ABCA13: variants seen among roughly 807,000 people sequenced by gnomAD.
ABCA13 encodes the protein ATP-binding cassette sub-family A member 13.
Under a neutral mutation model 478.7 loss-of-function variants are expected in ABCA13, and 476 were observed. The ratio of observed to expected loss-of-function variants is 0.99; its 90% confidence interval spans 0.92 to 1.07. The LOEUF is 1.07. Among genes scored for constraint, ABCA13 ranks in the 50% least tolerant of loss-of-function variants. The probability of loss-of-function intolerance (pLI) is 0.00; values close to 1 mark genes in which losing one functional copy is unlikely to be tolerated. For missense variants in ABCA13, 6,060 were observed against 5,910.6 expected (o/e 1.03, Z -0.83); for synonymous variants, 2,252 against 2,158.9 (o/e 1.04, Z -1.20).
At chr7:48,294,540 G>A (rs550994357) in intron 20 of ABCA13, among the ~76,000 whole-genome samples, 81 of 149,566 alleles carry the variant, frequency 5.4e-4, no homozygotes, top group African/African-American at 1.8e-3. Flanking sequence ...TCCGCTTCCC[G>A]GGTTCACGCC....
intron 60 of ABCA13, 24 bp from the exon 61 acceptor site, chr7:48,644,593 T>A (rs766813567): frequency 2.5e-5 from 15 of 609,704 alleles, no homozygotes; most frequent in Non-Finnish European, 3.5e-5. Flanking sequence ...ATGATACTTT[T>A]TTTTTTTTTT....
intron 48 of ABCA13, among the ~76,000 whole-genome samples, chr7:48,492,195 C>A (rs947963752): frequency 6.6e-6 from 1 of 152,140 alleles, no homozygotes; most frequent in Non-Finnish European, 1.5e-5. Context: ...TCGCTTATGG[C>A]CCCTCACTTT....
In ABCA13 at chr7:48,387,813, A is replaced by T. The variant is rs779026774; in HGVS notation, c.11336-9A>T. 1.3e-6 allele frequency: 2 copies of T among 1,547,608 alleles called. No homozygotes were observed. The highest frequency in any genetic ancestry group is 1.7e-6 in the Non-Finnish European group (2 of 1,150,140). ...AAATTAAACTAATTTTAATTGTTTC[A>T]TTTTTTAGGAACATTTGGTTTACGG... is the stretch of plus-strand genomic sequence containing the variant. On this transcript the variant is annotated splice_polypyrimidine_tract_variant and intron_variant, in intron 35 of 61. Transcript: ENST00000435803.
At chr7:48,204,891 TGAA>T in intron 3 of ABCA13, among the ~76,000 whole-genome samples, 1 of 151,696 alleles carries the variant, frequency 6.6e-6, no homozygotes, top group African/African-American at 2.4e-5. Context: ...GAGGGGTGAG[TGAA>T]GAAAGAAAAA....
chr7:48,290,456 T>C (rs1407981025), intron 20 of ABCA13, among the ~76,000 whole-genome samples: 1 of 152,164 alleles, frequency 6.6e-6, no homozygotes, highest in Non-Finnish European at 1.5e-5. Context: ...TGAATTTCAA[T>C]CTCAACTTTG....
At chr7:48,365,449 GT>G (rs1200744228) in intron 31 of ABCA13, among the ~76,000 whole-genome samples, 2 of 152,068 alleles carry the variant, frequency 1.3e-5, no homozygotes, top group Non-Finnish European at 2.9e-5. Flanking sequence ...TTTTGCTTTT[GT>G]TGTCTGTGCT....
chr7:48,315,119 C>G (rs988863627), intron 26 of ABCA13, among the ~76,000 whole-genome samples: 1 of 152,126 alleles, frequency 6.6e-6, no homozygotes, highest in African/African-American at 2.4e-5. Context: ...TCATTTATAA[C>G]GTAGAAACAG....
At position 48,257,848 on chromosome 7, in the gene ABCA13, T is replaced by C. The variant is rs540582317; in HGVS notation, c.2005+8497T>C. ...ATGAGTTAGGGAGGGGTCCCTCCTC[T>C]GCAATTTTTTGGATTAGTTTCAGTA... On this transcript the variant is annotated intron_variant, in intron 15 of 61. Coordinates refer to ENST00000435803, the MANE Select transcript of ABCA13 (RefSeq NM_152701.5). 2.0e-5 allele frequency among the ~76,000 whole-genome samples: 3 copies of C among 152,332 alleles called. 1 individual carries two copies. In the South Asian group the frequency reaches 6.2e-4, roughly 32 times the overall value.
chr7:48,295,696 C>G lies in ABCA13; in HGVS notation c.8956-4C>G. The G allele has an allele frequency of 1.9e-6, 3 of 1,613,928 alleles. No homozygotes were observed. The highest frequency in any genetic ancestry group is 2.5e-6 in the Non-Finnish European group (3 of 1,179,862). On this transcript the variant is annotated splice_polypyrimidine_tract_variant and splice_region_variant and intron_variant, in intron 20 of 61. Coordinates refer to ENST00000435803, the MANE Select transcript of ABCA13 (RefSeq NM_152701.5). ...CTAACCTATATCATTGCTATGTTTTCTAGGAAATTGAAAAGATATGGTCCT... is the reference window on the plus strand; with the variant it reads ...CTAACCTATATCATTGCTATGTTTTGTAGGAAATTGAAAAGATATGGTCCT...
chr7:48,587,262 G>A lies in ABCA13; in HGVS notation c.14614G>A (p.Val4872Met). ...GAAACTCTCTACAGCCCTGGCCCTG[G>A]TGGGGAAACCTGACATTCTTTTATT... The part of the protein sequence containing the change: ...KRKLSTALAL[V>M]GKPDILLLDE... The change falls in exon 57 of 62, where the codon GTG becomes ATG. Residue 4872 changes from valine to methionine, a missense_variant. Physicochemically the swap from Val to Met is conservative, Grantham distance 21. Around this residue, in one of 3 missense-constraint regions of ABCA13, gnomAD observed 1,627 missense variants for 1,571.0 expected, o/e 1.04. Transcript: ENST00000435803. 2 of 1,610,112 alleles carry A rather than the reference G, an allele frequency of 1.2e-6. No homozygotes were observed. Among genetic ancestry groups the A allele is most frequent in the African/African-American group, 1.3e-5 (1 of 74,998 alleles).
rs371263359 is a variant in ABCA13 at position 48,463,377 on chromosome 7, G to T, written c.12816-3579G>T. 1.2e-4 allele frequency among the ~76,000 whole-genome samples: 18 copies of T among 152,148 alleles called. No individual in the cohort carries two copies. In the East Asian group the frequency reaches 2.1e-3, roughly 18 times the overall value. On this transcript the variant is annotated intron_variant, in intron 43 of 61. Transcript: ENST00000435803. Reference sequence around the variant, plus strand: ...TTTTTTCAGGGAGGTGGGGACCTTTGCTTCCTATACTCTCTCTCATTTAGG... The same window carrying T: ...TTTTTTCAGGGAGGTGGGGACCTTTTCTTCCTATACTCTCTCTCATTTAGG...
chr7:48,324,270 C>T (rs1378447020), intron 27 of ABCA13, among the ~76,000 whole-genome samples: 3 of 152,194 alleles, frequency 2.0e-5, no homozygotes, highest in Non-Finnish European at 2.9e-5. Context: ...TGTGTCCTCA[C>T]ATAGTTGTCC....
At chr7:48,405,635 G>T (rs1003823064) in intron 39 of ABCA13, among the ~76,000 whole-genome samples, 8 of 152,206 alleles carry the variant, frequency 5.3e-5, no homozygotes, top group Non-Finnish European at 1.2e-4. Context: ...GTGAATTGTG[G>T]TGCAAATTAA....
chr7:48,413,218 A>G (rs1819516584), intron 41 of ABCA13, among the ~76,000 whole-genome samples: 1 of 152,180 alleles, frequency 6.6e-6, no homozygotes, highest in Non-Finnish European at 1.5e-5. Context: ...TTCTTCATGT[A>G]GAGATGCCCT....
chr7:48,442,956 A>C (rs1823828197), intron 42 of ABCA13, among the ~76,000 whole-genome samples: 1 of 152,224 alleles, frequency 6.6e-6, no homozygotes, highest in African/African-American at 2.4e-5. Context: ...TCAGTACCTC[A>C]GCATGTGACT....
intron 56 of ABCA13, among the ~76,000 whole-genome samples, chr7:48,583,796 A>G (rs1389976488): frequency 3.9e-5 from 6 of 152,250 alleles, no homozygotes; most frequent in Admixed American, 3.9e-4. Context: ...TTACTTTGAC[A>G]GTATTGCTGA....
At chr7:48,484,626 G>T (rs1017245157) in intron 47 of ABCA13, among the ~76,000 whole-genome samples, 5 of 152,182 alleles carry the variant, frequency 3.3e-5, no homozygotes, top group Admixed American at 1.3e-4. Context: ...AGTGGCTGGG[G>T]ATTTGTGTGT....
chr7:48,526,079 G>T (rs1460166463), intron 54 of ABCA13, among the ~76,000 whole-genome samples: 1 of 152,080 alleles, frequency 6.6e-6, no homozygotes, highest in Non-Finnish European at 1.5e-5. Flanking sequence ...AAACAAGGTA[G>T]GACAGATAAC....
Position 48,487,774 on chromosome 7 carries a change from C to T in ABCA13, c.13183-1462C>T, listed in dbSNP as rs114722409. On this transcript the variant is annotated intron_variant, in intron 47 of 61. Transcript: ENST00000435803. The stretch of plus-strand genomic sequence containing the variant: ...TCATTTCCAGAAATCTGGCTAGTGC[C>T]TGTGTAGGTGTCTGTGTGTGAGGGG... 3.0e-3 allele frequency among the ~76,000 whole-genome samples: 449 copies of T among 152,188 alleles called. 3 individuals are homozygous for T. Among genetic ancestry groups the T allele is most frequent in the African/African-American group, 0.01 (423 of 41,534 alleles).
Sources: allele counts gnomAD v4.1 joint callset (sites outside exome capture counted in the v4.1 genomes callset), GRCh38; gene constraint gnomAD v4.1.1; regional missense constraint gnomAD v4.1.1; transcripts MANE v1.5; gene names NCBI Gene and HGNC (gene_info 2026-07-23, HGNC 2026-07-21).